Variants in LIN7A observed in about 807,000 individuals in gnomAD.
LIN7A encodes protein lin-7 homolog A.
In LIN7A, 25 loss-of-function variants were observed where a neutral mutation model predicts 29.8. The observed-to-expected ratio is 0.84, with a 90% CI of 0.61 to 1.17. The LOEUF is 1.17. Ranked by LOEUF, LIN7A falls within the 50% of genes most tolerant of loss-of-function variation. The pLI is 0.00. For synonymous variants in LIN7A, 118 were observed against 107.5 expected (o/e 1.10, Z -0.60); for missense variants, 239 against 287.0 (o/e 0.83, Z 1.21).
intron 5 of LIN7A, among the ~76,000 whole-genome samples, chr12:80,803,756 G>A (rs138906082): frequency 6.6e-6 from 1 of 152,220 alleles, no homozygotes; most frequent in African/African-American, 2.4e-5. Flanking sequence ...CTATATTTGT[G>A]GTAATTTTTA....
chr12:80,918,509 G>T (rs140126155), intron 1 of LIN7A, among the ~76,000 whole-genome samples: 27 of 152,150 alleles, frequency 1.8e-4, no homozygotes, highest in African/African-American at 6.3e-4. Context: ...GGGACCCCTT[G>T]CTCCCTTTTC....
intron 4 of LIN7A, among the ~76,000 whole-genome samples, chr12:80,829,905 T>G (rs2121526666): frequency 6.6e-6 from 1 of 152,370 alleles, no homozygotes; most frequent in East Asian, 1.9e-4. Flanking sequence ...TGGCCACTTC[T>G]AAACCACTCT....
chr12:80,842,233 AAT>A, intron 4 of LIN7A: 8 of 759,856 alleles, frequency 1.1e-5, no homozygotes, highest in Non-Finnish European at 1.5e-5. Context: ...ATTCCATGTT[AAT>A]AGTTCTGTGT....
At chr12:80,804,902 T>C (rs1045929803) in intron 5 of LIN7A, among the ~76,000 whole-genome samples, 2 of 152,092 alleles carry the variant, frequency 1.3e-5, no homozygotes, top group African/African-American at 2.4e-5. Context: ...TGTGTACAAG[T>C]ACCACATTTT....
chr12:80,929,310 A>G (rs943722229), intron 1 of LIN7A, among the ~76,000 whole-genome samples: 1 of 152,134 alleles, frequency 6.6e-6, no homozygotes, highest in Non-Finnish European at 1.5e-5. Context: ...TTTCCTCTAA[A>G]TTTTATCTCT....
In LIN7A at chr12:80,794,501, G is replaced by A. The variant is rs1159024842; in HGVS notation, c.*3226C>T. On this transcript the variant is annotated 3_prime_UTR_variant, in exon 6 of 6. Coordinates refer to ENST00000552864, the MANE Select transcript of LIN7A (RefSeq NM_004664.4). The stretch of plus-strand genomic sequence containing the variant: ...ATCTATAGATGTTTAAAATAATGTA[G>A]ACAAAATATTCCACCTCTTGGGGTC... 1 of 152,114 alleles carries A rather than the reference G, an allele frequency of 6.6e-6. No individual in the cohort carries two copies. The highest frequency in any genetic ancestry group is 1.5e-5 in the Non-Finnish European group (1 of 68,000). The allele number at this position is 152,114 out of a possible 1,614,324, so 9.4% of individuals were successfully genotyped here.
At position 80,899,803 on chromosome 12, in the gene LIN7A, C is replaced by G. The variant is rs556263409; in HGVS notation, c.83-10434G>C. ...TTTTTTTTTGAGATCGAGTCTCGCT[C>G]TGTTGCCCAGGCTGGAGTGCAGTGG... On this transcript the variant is annotated intron_variant, in intron 1 of 5. Transcript: ENST00000552864. 7.9e-5 allele frequency among the ~76,000 whole-genome samples: 9 copies of G among 114,248 alleles called. No individual in the cohort carries two copies. In the South Asian group the frequency reaches 2.1e-3, roughly 26 times the overall value. 75.0% of individuals were successfully genotyped at this position (114,248 alleles called of 152,430 possible). A position where few individuals can be genotyped will look rare whatever the true frequency, so the allele number is the denominator to read the frequency against.
chr12:80,934,749 C>T (rs1460170176), intron 1 of LIN7A, among the ~76,000 whole-genome samples: 1 of 152,086 alleles, frequency 6.6e-6, no homozygotes, highest in African/African-American at 2.4e-5. Flanking sequence ...CATTTTCATG[C>T]TTTTTCATTT....
chr12:80,922,963 G>T (rs73144951), intron 1 of LIN7A, among the ~76,000 whole-genome samples: 16,086 of 152,128 alleles, frequency 0.11, 1,066 homozygotes, highest in Non-Finnish European at 0.14. Context: ...ATACCCCCTT[G>T]CATAAGTGGG....
chr12:80,839,080 G>A (rs751471181), intron 4 of LIN7A, among the ~76,000 whole-genome samples: 2 of 152,132 alleles, frequency 1.3e-5, no homozygotes, highest in East Asian at 1.9e-4. Flanking sequence ...ACTTTTTAAA[G>A]GTCAAAGTCT....
chr12:80,835,903 A>G (rs962744071), intron 4 of LIN7A, among the ~76,000 whole-genome samples: 27 of 152,216 alleles, frequency 1.8e-4, no homozygotes, highest in Admixed American at 1.6e-3. Context: ...ACAGAAAAAA[A>G]GGGAAAATTG....
intron 1 of LIN7A, among the ~76,000 whole-genome samples, chr12:80,907,660 A>C (rs1223358092): frequency 6.6e-6 from 1 of 152,148 alleles, no homozygotes; most frequent in Non-Finnish European, 1.5e-5. Flanking sequence ...AACACAAAAA[A>C]AGGCTATGGA....
intron 1 of LIN7A, among the ~76,000 whole-genome samples, chr12:80,933,385 T>C (rs1212358790): frequency 6.6e-6 from 1 of 152,210 alleles, no homozygotes; most frequent in Non-Finnish European, 1.5e-5. Flanking sequence ...TGCTTTTATG[T>C]ATACTCTTCA....
At chr12:80,925,764 C>G (rs557152714) in intron 1 of LIN7A, among the ~76,000 whole-genome samples, 1 of 152,192 alleles carries the variant, frequency 6.6e-6, no homozygotes, top group East Asian at 1.9e-4. Flanking sequence ...ATACAATACT[C>G]CAGAAATGAC....
At chr12:80,853,045 A>T (rs1171490158) in intron 2 of LIN7A, among the ~76,000 whole-genome samples, 1 of 152,314 alleles carries the variant, frequency 6.6e-6, no homozygotes, top group East Asian at 1.9e-4. Flanking sequence ...TTCTGATTAC[A>T]TGGAACTTCT....
intron 2 of LIN7A, among the ~76,000 whole-genome samples, chr12:80,849,546 A>G (rs1873229092): frequency 6.6e-6 from 1 of 152,082 alleles, no homozygotes; most frequent in Non-Finnish European, 1.5e-5. Context: ...GTGATCATCA[A>G]GTACCTACCT....
intron 4 of LIN7A, among the ~76,000 whole-genome samples, chr12:80,821,644 G>C (rs77371372): frequency 0.098 from 14,951 of 152,238 alleles, 795 homozygotes; most frequent in East Asian, 0.19. Flanking sequence ...CAGCTACAGT[G>C]GGGGAGGTGC....
At position 80,899,765 on chromosome 12, in the gene LIN7A, C is replaced by CTTTTTTTTTTTTTTTTT. The variant is rs760389788; in HGVS notation, c.83-10397_83-10396insAAAAAAAAAAAAAAAAA. On this transcript the variant is annotated intron_variant, in intron 1 of 5. Transcript: ENST00000552864. ...CATTTCCTCTAGGTTTTCTTTTTTT[C>CTTTTTTTTTTTTTTTTT]TTTTCTTTTTTTTTTTTTTTTGAGA... 1.1e-4 allele frequency among the ~76,000 whole-genome samples: 12 copies of CTTTTTTTTTTTTTTTTT among 110,042 alleles called. 4 individuals carry two copies. Among genetic ancestry groups the CTTTTTTTTTTTTTTTTT allele is most frequent in the Non-Finnish European group, 2.0e-4 (10 of 51,268 alleles). 72.2% of individuals were successfully genotyped at this position (110,042 alleles called of 152,430 possible). A position where few individuals can be genotyped will look rare whatever the true frequency, so the allele number is the denominator to read the frequency against.
chr12:80,880,764 CACACACACACAT>C (rs1329267563), intron 2 of LIN7A, among the ~76,000 whole-genome samples: 40 of 140,394 alleles, frequency 2.8e-4, no homozygotes, highest in African/African-American at 7.6e-4. Context: ...CACACACACA[CACACACACACAT>C]ACACACACAC....
Sources: gnomAD v4.1 joint callset for allele counts (sites outside exome capture counted in the v4.1 genomes callset) on GRCh38, gnomAD v4.1.1 for gene constraint, MANE v1.5 for transcripts, NCBI Gene and HGNC (gene_info 2026-07-23, HGNC 2026-07-21) for gene names.